The following ADSS2 variants were observed in gnomAD, a reference collection of about 807,000 sequenced individuals.
ADSS2 encodes adenylosuccinate synthase 2.
A neutral mutation model predicts 60.0 loss-of-function variants in ADSS2; 30 were observed. The observed-to-expected ratio is 0.50, with a 90% CI of 0.37 to 0.68. The LOEUF (loss-of-function observed/expected upper bound fraction) is 0.68. Ranked by LOEUF, ADSS2 falls within the 30% of genes least tolerant of loss-of-function variation. The pLI is 0.00. For synonymous variants in ADSS2, 187 were observed against 193.1 expected, an observed-to-expected ratio of 0.97 and a Z score of 0.26; for missense variants, 373 against 554.8, an observed-to-expected ratio of 0.67 and a Z score of 3.29.
At chr1:244,424,420 A>C in intron 4 of ADSS2, 33 bp from the exon 5 acceptor site, 1 of 1,595,412 alleles carries the variant, frequency 6.3e-7, no homozygotes, top group Non-Finnish European at 8.6e-7. Flanking sequence ...TTGTTGAAAC[A>C]AAGATAATAC....
intron 3 of ADSS2, among the ~76,000 whole-genome samples, chr1:244,432,959 A>G (rs1664985803): frequency 6.6e-6 from 1 of 152,084 alleles, no homozygotes; most frequent in South Asian, 2.1e-4. Flanking sequence ...TGTCTAGGCC[A>G]GGCGTGGTGG....
chr1:244,418,040 T>C (rs973560099), intron 9 of ADSS2, among the ~76,000 whole-genome samples: 3 of 152,226 alleles, frequency 2.0e-5, no homozygotes, highest in African/African-American at 2.4e-5. Context: ...ATTTATTAAA[T>C]AGACGAATCC....
intron 1 of ADSS2, 127 bp from the exon 2 acceptor site, chr1:244,437,895 T>C: frequency 1.4e-6 from 1 of 706,818 alleles, no homozygotes; most frequent in Non-Finnish European, 2.5e-6. Flanking sequence ...ATTTACCACC[T>C]CTACTCATTT....
At chr1:244,425,113 C>T (rs1202634900) in intron 4 of ADSS2, among the ~76,000 whole-genome samples, 1 of 152,186 alleles carries the variant, frequency 6.6e-6, no homozygotes. Context: ...CCTGCCAATG[C>T]TCTGAGAGTA....
chr1:244,428,935 A>G (rs1456676325), intron 4 of ADSS2, among the ~76,000 whole-genome samples: 2 of 152,192 alleles, frequency 1.3e-5, no homozygotes, highest in Non-Finnish European at 2.9e-5. Flanking sequence ...TCTATAAAAC[A>G]TTTAAAGAAG....
chr1:244,443,532 A>G (rs1472148193), intron 1 of ADSS2, among the ~76,000 whole-genome samples: 1 of 152,196 alleles, frequency 6.6e-6, no homozygotes, highest in Non-Finnish European at 1.5e-5. Context: ...AATTTTTTGA[A>G]CTTTGTTTTT....
intron 1 of ADSS2, among the ~76,000 whole-genome samples, chr1:244,446,882 CA>C (rs1048873139): frequency 6.6e-6 from 1 of 151,944 alleles, no homozygotes; most frequent in South Asian, 2.1e-4. Flanking sequence ...GATTTCAAGT[CA>C]AAAAAGTTTT....
chr1:244,441,217 C>T (rs952651489), intron 1 of ADSS2, among the ~76,000 whole-genome samples: 4 of 152,134 alleles, frequency 2.6e-5, no homozygotes, highest in Admixed American at 6.5e-5. Flanking sequence ...TGCCGCCATG[C>T]CCGGCTAATT....
At chr1:244,411,943 T>A (rs896479947) in intron 11 of ADSS2, among the ~76,000 whole-genome samples, 12 of 152,190 alleles carry the variant, frequency 7.9e-5, no homozygotes, top group Non-Finnish European at 2.9e-5. Flanking sequence ...TAAAGAAAAG[T>A]TTCTTTGACT....
chr1:244,408,558 C>G lies in ADSS2; in HGVS notation c.*1028G>C, dbSNP rs1664336259. 1 of 152,222 alleles carries G rather than the reference C, an allele frequency of 6.6e-6. No individual in the cohort carries two copies. The highest frequency in any genetic ancestry group is 1.5e-5 in the Non-Finnish European group (1 of 67,942). 9.4% of individuals were successfully genotyped at this position (152,222 alleles called of 1,614,324 possible). A position where few individuals can be genotyped will look rare whatever the true frequency, so the allele number is the denominator to read the frequency against. ...TGTAATAAAATAAATTTAAGTGGCA[C>G]CTAATTTAACATTTAAAATAGTTCA... On this transcript the variant is annotated 3_prime_UTR_variant, in exon 13 of 13. Transcript: ENST00000366535.
chr1:244,427,697 G>C (rs899576967), intron 4 of ADSS2, among the ~76,000 whole-genome samples: 1 of 152,112 alleles, frequency 6.6e-6, no homozygotes, highest in Non-Finnish European at 1.5e-5. Context: ...GTAGATATCA[G>C]AATAAGGAAT....
chr1:244,419,796 C>T (rs183166054), intron 8 of ADSS2, among the ~76,000 whole-genome samples: 70 of 152,254 alleles, frequency 4.6e-4, no homozygotes, highest in Non-Finnish European at 9.0e-4. Flanking sequence ...TTTTATAAAT[C>T]TTGCTTAATA....
intron 8 of ADSS2, 146 bp downstream of exon 8, chr1:244,420,024 G>T: frequency 1.3e-6 from 1 of 744,118 alleles, no homozygotes. Flanking sequence ...TAAAAAGAGT[G>T]CCACAAGATG....
chr1:244,436,932 T>C lies in ADSS2; in HGVS notation c.287-39A>G, dbSNP rs761402326. ...AACAAATCCCAACGGTAAACATCTA[T>C]AACTCAGACATATGTAACTTAAAGG... On this transcript the variant is annotated intron_variant, in intron 2 of 12. Transcript: ENST00000366535. 5 of 1,544,704 alleles carry C rather than the reference T, an allele frequency of 3.2e-6. No homozygotes were observed. The South Asian group carries it at 3.4e-5, about 11-fold the overall frequency.
At chr1:244,412,997 G>C (rs1201361314) in intron 11 of ADSS2, among the ~76,000 whole-genome samples, 2 of 152,168 alleles carry the variant, frequency 1.3e-5, no homozygotes, top group Non-Finnish European at 2.9e-5. Context: ...TCAGGTCCCA[G>C]TGTAACCTGG....
At chr1:244,426,720 T>C (rs571635869) in intron 4 of ADSS2, among the ~76,000 whole-genome samples, 1 of 152,208 alleles carries the variant, frequency 6.6e-6, no homozygotes, top group African/African-American at 2.4e-5. Flanking sequence ...CCTGAGGTCT[T>C]TACTCAACTG....
intron 11 of ADSS2, among the ~76,000 whole-genome samples, chr1:244,412,397 AG>A (rs1254448908): frequency 6.6e-6 from 1 of 152,202 alleles, no homozygotes; most frequent in East Asian, 1.9e-4. Context: ...GAATGGTTAG[AG>A]GAAGATAGCT....
intron 5 of ADSS2, 25 bp downstream of exon 5, chr1:244,424,296 C>G: frequency 6.8e-6 from 11 of 1,608,172 alleles, no homozygotes; most frequent in Non-Finnish European, 9.4e-6. Context: ...TAAACTGTAC[C>G]AAAAAAACAA....
intron 1 of ADSS2, among the ~76,000 whole-genome samples, chr1:244,448,075 C>G (rs1316072379): frequency 6.6e-6 from 1 of 152,042 alleles, no homozygotes; most frequent in Non-Finnish European, 1.5e-5. Context: ...TAAAAAGAAT[C>G]AGAAAAATGG....
Sources: gnomAD v4.1 joint callset for allele counts (sites outside exome capture counted in the v4.1 genomes callset) on GRCh38, gnomAD v4.1.1 for gene constraint, MANE v1.5 for transcripts, NCBI Gene and HGNC (gene_info 2026-07-23, HGNC 2026-07-21) for gene names.